The following TPCN2 variants were observed in gnomAD, a reference collection of about 807,000 sequenced individuals.
TPCN2 encodes two pore channel protein 2.
A neutral mutation model predicts 111.4 loss-of-function variants in TPCN2; 92 were observed. The ratio of observed to expected loss-of-function variants is 0.83; its 90% CI spans 0.70 to 0.98. TPCN2 has a LOEUF of 0.98. Ranked by LOEUF, TPCN2 falls within the 50% of genes least tolerant of loss-of-function variation. The probability of loss-of-function intolerance (pLI) is 0.00; values close to 1 mark genes in which losing one functional copy is unlikely to be tolerated. For missense variants in TPCN2, 995 were observed against 980.1 expected (o/e 1.02, Z -0.20); for synonymous variants, 405 against 414.5 (o/e 0.98, Z 0.28).
chr11:69,080,258 T>A lies in TPCN2; in HGVS notation c.1589+375T>A, dbSNP rs559958917. Among the ~76,000 whole-genome samples, 10 of 152,322 alleles carry A rather than the reference T, an allele frequency of 6.6e-5. No homozygotes were observed. The South Asian group carries it at 2.1e-3, about 32-fold the overall frequency. On this transcript the variant is annotated intron_variant, in intron 17 of 24. Transcript: ENST00000294309. Reference sequence around the variant, plus strand: ...GACCACTGGGATTCGGCTGGGCCCCTCTGCTGGCGGGAAGGTCCTTGGGAG... The same window carrying A: ...GACCACTGGGATTCGGCTGGGCCCCACTGCTGGCGGGAAGGTCCTTGGGAG...
rs751105817 is a variant in TPCN2 at position 69,063,935 on chromosome 11, A to G, written c.694A>G (p.Met232Val). Residue 232 changes from methionine (M) to valine (V), a missense_variant, in exon 7 of 25, where the codon ATG becomes GTG. Met to Val is a conservative substitution (Grantham distance 21, BLOSUM62 1). Transcript: ENST00000294309. ...LLAIHLCLFT[M>V]FGMLLFAGGK... ...GGCCATCCACCTGTGCCTCTTCACC[A>G]TGTTCGGAATGCTGCTGTTCGCTGG... The G allele has an allele frequency of 5.0e-6, 8 of 1,613,796 alleles. No homozygotes were observed. The African/African-American group carries it at 8.0e-5, about 16-fold the overall frequency.
intron 5 of TPCN2, among the ~76,000 whole-genome samples, chr11:69,062,507 C>T (rs955110175): frequency 2.0e-5 from 3 of 151,948 alleles, no homozygotes; most frequent in Admixed American, 6.6e-5. Context: ...CCCTGAGAAG[C>T]CAGGTGTGCT....
chr11:69,085,131 T>C, intron 19 of TPCN2, 79 bp from the exon 20 acceptor site: 1 of 1,314,560 alleles, frequency 7.6e-7, no homozygotes, highest in Non-Finnish European at 1.1e-6. Flanking sequence ...TCCTCTGGCT[T>C]TGCGGTTCTG....
chr11:69,077,088 C>G (rs1412226051), intron 13 of TPCN2, among the ~76,000 whole-genome samples: 64 of 104,624 alleles, frequency 6.1e-4, no homozygotes, highest in Middle Eastern at 9.6e-3. Context: ...TCCTGCCCTC[C>G]TGCCATGTCC....
chr11:69,064,232 C>T (rs1033746015), intron 7 of TPCN2, among the ~76,000 whole-genome samples: 1 of 152,188 alleles, frequency 6.6e-6, no homozygotes, highest in East Asian at 1.9e-4. Flanking sequence ...CCACCCTCCT[C>T]TGCTCCCTCC....
chr11:69,056,301 C>T (rs1040977599), intron 4 of TPCN2, among the ~76,000 whole-genome samples: 2 of 152,192 alleles, frequency 1.3e-5, no homozygotes, highest in East Asian at 1.9e-4. Context: ...GTGTGCCGAC[C>T]GAGGGTTGTG....
chr11:69,076,753 G>C (rs368283563), intron 13 of TPCN2, among the ~76,000 whole-genome samples: 1 of 4,782 alleles, frequency 2.1e-4, no homozygotes, highest in Non-Finnish European at 1.5e-3. Flanking sequence ...CCCTCCTGCT[G>C]TGTCCCTCCA....
rs192796926 is a variant in TPCN2, at chr11:69,063,786, C to A, written c.654-109C>A. On this transcript the variant is annotated intron_variant, in intron 6 of 24. Coordinates refer to ENST00000294309, the MANE Select transcript of TPCN2 (RefSeq NM_139075.4). ...GACCCAGCTGCTGCCTGGATCCACC[C>A]CAGCTGCTGCAGACTCTTGGGCGCT... 3.9e-6 allele frequency: 4 copies of A among 1,025,138 alleles called. No individual in the cohort carries two copies. The African/African-American group carries it at 4.7e-5, about 12-fold the overall frequency. 63.5% of individuals were successfully genotyped at this position (1,025,138 alleles called of 1,614,324 possible).
chr11:69,062,986 G>T lies in TPCN2; in HGVS notation c.649G>T (p.Ala217Ser). 10 of 1,613,760 alleles carry T rather than the reference G, an allele frequency of 6.2e-6. No homozygotes were observed. Among genetic ancestry groups the T allele is most frequent in the African/African-American group, 1.3e-5 (1 of 75,054 alleles). ...CATCCGCTGGTCGCTGCCGGAAATG[G>T]CCAGGTGGGCTCTTGGTGCTCTGGG... ...KCIRWSLPEMASVGLLLAIHL... is the reference protein window; with the variant it reads ...KCIRWSLPEMSSVGLLLAIHL... The change falls in exon 6 of 25, where the codon GCC (alanine) becomes TCC (serine). Residue 217 changes from alanine to serine, a missense_variant. Transcript: ENST00000294309.
At chr11:69,081,894 T>C (rs1200143218) in intron 18 of TPCN2, among the ~76,000 whole-genome samples, 1 of 152,138 alleles carries the variant, frequency 6.6e-6, no homozygotes, top group Non-Finnish European at 1.5e-5. Flanking sequence ...GGGAGCTTGT[T>C]TCCAGGATCC....
intron 5 of TPCN2, among the ~76,000 whole-genome samples, chr11:69,061,776 A>G (rs141064695): frequency 6.6e-6 from 1 of 151,994 alleles, no homozygotes; most frequent in Admixed American, 6.5e-5. Flanking sequence ...CTGTGAGAAC[A>G]CTGGTGTGTG....
chr11:69,082,864 C>A (rs1201398009), intron 18 of TPCN2, among the ~76,000 whole-genome samples: 1 of 148,874 alleles, frequency 6.7e-6, no homozygotes, highest in African/African-American at 2.5e-5. Context: ...AACTCGTGCC[C>A]GGATAAGACG....
intron 8 of TPCN2, among the ~76,000 whole-genome samples, chr11:69,067,822 CCTT>C (rs1350283784): frequency 3.3e-5 from 5 of 152,136 alleles, no homozygotes; most frequent in Admixed American, 3.3e-4. Context: ...CCTTCTCTTT[CCTT>C]CTTTCCTTTT....
At chr11:69,072,119 C>A in intron 11 of TPCN2, 96 bp downstream of exon 11, 1 of 1,046,638 alleles carries the variant, frequency 9.6e-7, no homozygotes. Flanking sequence ...TGTGCTTGGC[C>A]TGTGCCTCGC....
intron 7 of TPCN2, 97 bp from the exon 8 acceptor site, chr11:69,067,406 C>CG (rs1263313270): frequency 1.8e-6 from 2 of 1,109,336 alleles, no homozygotes; most frequent in Non-Finnish European, 2.7e-6. Flanking sequence ...GGCTGGGCGG[C>CG]GGGTGGATGG....
intron 7 of TPCN2, among the ~76,000 whole-genome samples, chr11:69,066,518 G>A (rs1385149716): frequency 6.6e-6 from 1 of 152,232 alleles, no homozygotes; most frequent in Admixed American, 6.5e-5. Flanking sequence ...CAGACGAGGG[G>A]ACAGTGCCAT....
chr11:69,072,508 A>T, intron 11 of TPCN2, 119 bp from the exon 12 acceptor site: 1 of 954,368 alleles, frequency 1.0e-6, no homozygotes, highest in Non-Finnish European at 1.6e-6. Context: ...GTGTGGCTCA[A>T]GCTGCAAAGT....
chr11:69,061,579 G>T (rs1855023513), intron 5 of TPCN2, among the ~76,000 whole-genome samples: 1 of 152,306 alleles, frequency 6.6e-6, no homozygotes, highest in South Asian at 2.1e-4. Context: ...ATCGGGCAGT[G>T]CGGGGACCTA....
At chr11:69,071,685 C>T (rs764370680) in intron 10 of TPCN2, among the ~76,000 whole-genome samples, 14 of 152,176 alleles carry the variant, frequency 9.2e-5, no homozygotes, top group Non-Finnish European at 1.8e-4. Flanking sequence ...AGGAGAAACG[C>T]GGCCCAGCAT....
Sources: allele counts gnomAD v4.1 joint callset (sites outside exome capture counted in the v4.1 genomes callset), GRCh38; gene constraint gnomAD v4.1.1; transcripts MANE v1.5; gene names NCBI Gene and HGNC (gene_info 2026-07-23, HGNC 2026-07-21).